The following GSDME variants were observed in gnomAD, a reference collection of about 807,000 sequenced individuals.
The protein encoded by GSDME is gasdermin-E.
GSDME carries 44 observed loss-of-function variants against 47.5 expected under a neutral mutation model. That is an observed-to-expected ratio of 0.93 (90% CI 0.73 to 1.19). The LOEUF (loss-of-function observed/expected upper bound fraction) is 1.19. Ranked by LOEUF, GSDME falls within the 50% of genes most tolerant of loss-of-function variation. GSDME has a pLI of 0.00. For synonymous variants in GSDME, 258 were observed against 252.8 expected, an observed-to-expected ratio of 1.02 and a Z score of -0.20; for missense variants, 663 against 604.2, an observed-to-expected ratio of 1.10 and a Z score of -1.02.
chr7:24,722,349 G>C (rs2237316), intron 3 of GSDME, among the ~76,000 whole-genome samples: 1 of 152,074 alleles, frequency 6.6e-6, no homozygotes, highest in African/African-American at 2.4e-5. Flanking sequence ...TAGCAGATGC[G>C]ATCTTCCTAA....
the GSDME span, among the ~76,000 whole-genome samples, chr7:24,765,708 G>C: frequency 2.6e-5 from 4 of 152,198 alleles, no homozygotes; most frequent in Admixed American, 2.6e-4. Flanking sequence ...ATTAAACTCT[G>C]TTAAAGTTCA....
rs1788923228 is a variant in GSDME at position 24,702,763 on chromosome 7, G to A, written c.1254C>T (p.His418=). 6.2e-7 allele frequency: 1 copy of A among 1,613,228 alleles called. No individual in the cohort carries two copies. The highest frequency in any genetic ancestry group is 8.5e-7 in the Non-Finnish European group (1 of 1,179,430). The change falls in exon 9 of 10, where the codon CAC becomes CAT. Residue 418 remains histidine (H), a synonymous_variant. Coordinates refer to ENST00000645220, the MANE Select transcript of GSDME (RefSeq NM_001127453.2). ...TCCCACCTGGGAGGTTGCTTACCAA[G>A]TGGCACAGTGTGGGAATGATCTGGA... ...CKLQIIPTLC[H]LLRALSDDGV...
At chr7:24,701,759 T>C (rs1788878719) in intron 9 of GSDME, among the ~76,000 whole-genome samples, 1 of 152,234 alleles carries the variant, frequency 6.6e-6, no homozygotes, top group South Asian at 2.1e-4. Context: ...GTTCCATTTT[T>C]GCAGTCAGTG....
chr7:24,784,888 A>G, the GSDME span, among the ~76,000 whole-genome samples: 1 of 152,002 alleles, frequency 6.6e-6, no homozygotes, highest in African/African-American at 2.4e-5. Flanking sequence ...CTGGCAGCTG[A>G]TTGGATGGTG....
At chr7:24,719,364 G>T in intron 3 of GSDME, 146 bp from the exon 4 acceptor site, 1 of 910,474 alleles carries the variant, frequency 1.1e-6, no homozygotes. Flanking sequence ...GGGGTGGCAG[G>T]TCACCTGGAA....
intron 4 of GSDME, among the ~76,000 whole-genome samples, chr7:24,718,294 T>TA (rs1789644332): frequency 6.6e-6 from 1 of 152,214 alleles, no homozygotes; most frequent in African/African-American, 2.4e-5. Flanking sequence ...AGTAAATCTC[T>TA]AAGAAAATAT....
the GSDME span, among the ~76,000 whole-genome samples, chr7:24,777,024 C>T: frequency 6.6e-6 from 1 of 151,868 alleles, no homozygotes; most frequent in Non-Finnish European, 1.5e-5. Context: ...GTTATATTCA[C>T]TGTATTATAT....
At position 24,721,163 on chromosome 7, in the gene GSDME, A is replaced by G. The variant is rs920137372; in HGVS notation, c.405-1945T>C. 6.6e-6 allele frequency among the ~76,000 whole-genome samples: 1 copy of G among 152,208 alleles called. No homozygotes were observed. The highest frequency in any genetic ancestry group is 1.5e-5 in the Non-Finnish European group (1 of 68,032). On this transcript the variant is annotated intron_variant, in intron 3 of 9. Transcript: ENST00000645220. This position sits in a 1 kb window ranked among gnomAD's most constrained non-coding sequence, Gnocchi z 4.1. ...GAAGTTCTAGAAATGCAGAGTAGAGATGACGGCACAACAGGGTGAATGTAT... is the reference window on the plus strand; with the variant it reads ...GAAGTTCTAGAAATGCAGAGTAGAGGTGACGGCACAACAGGGTGAATGTAT...
chr7:24,712,794 G>A lies in GSDME; in HGVS notation c.698-2406C>T, dbSNP rs146075939. Among the ~76,000 whole-genome samples the A allele has an allele frequency of 2.3e-3, 349 of 152,234 alleles. 1 individual carries two copies. The highest frequency in any genetic ancestry group is 8.2e-3 in the African/African-American group (340 of 41,538). On this transcript the variant is annotated intron_variant, in intron 5 of 9. Transcript: ENST00000645220. The surrounding 1 kb of genome is among the most constrained non-coding windows in gnomAD (Gnocchi z 4.4). ...AACACTTTGGGAGGTCGAGGCGGGCGGATCACCTGAGGTCAGGAGTTTGAG... is the reference window on the plus strand; with the variant it reads ...AACACTTTGGGAGGTCGAGGCGGGCAGATCACCTGAGGTCAGGAGTTTGAG...
intron 6 of GSDME, among the ~76,000 whole-genome samples, chr7:24,708,588 G>C (rs1035055735): frequency 5.3e-5 from 8 of 151,682 alleles, no homozygotes; most frequent in Non-Finnish European, 1.2e-4. Flanking sequence ...GACTTCTCTA[G>C]AAGTAAATTA....
chr7:24,776,460 C>T, the GSDME span, among the ~76,000 whole-genome samples: 5 of 152,248 alleles, frequency 3.3e-5, no homozygotes, highest in East Asian at 5.8e-4. Context: ...CCATCCTCCT[C>T]GATAATTATC....
rs1041123533 is a variant in GSDME at position 24,756,347 on chromosome 7, C to T, written c.-20+1049G>A. ...CTGCACTCCAGCCTTGGTGACAGAGCGAGACCCTCTCTCAACAATAACAAA... is the reference window on the plus strand; with the variant it reads ...CTGCACTCCAGCCTTGGTGACAGAGTGAGACCCTCTCTCAACAATAACAAA... On this transcript the variant is annotated intron_variant, in intron 1 of 9. Coordinates refer to ENST00000645220, the MANE Select transcript of GSDME (RefSeq NM_001127453.2). This position sits in a 1 kb window ranked among gnomAD's most constrained non-coding sequence, Gnocchi z 4.2. Among the ~76,000 whole-genome samples, 1 of 152,130 alleles carries T rather than the reference C, an allele frequency of 6.6e-6. No homozygotes were observed. Among genetic ancestry groups the T allele is most frequent in the South Asian group, 2.1e-4 (1 of 4,822 alleles).
intron 9 of GSDME, among the ~76,000 whole-genome samples, chr7:24,699,845 T>C (rs1489525673): frequency 6.6e-6 from 1 of 152,228 alleles, no homozygotes; most frequent in African/African-American, 2.4e-5. Context: ...TTTGGTCATA[T>C]ATGCAGTATG....
chr7:24,706,013 G>T, intron 8 of GSDME, 171 bp downstream of exon 8: 1 of 711,220 alleles, frequency 1.4e-6, no homozygotes, highest in Non-Finnish European at 2.3e-6. Context: ...CGAGACCGAA[G>T]GGGGGTTTCC....
rs1377617563 is a variant in GSDME at position 24,726,494 on chromosome 7, C to T, written c.405-7276G>A. 3.9e-5 allele frequency among the ~76,000 whole-genome samples: 6 copies of T among 152,174 alleles called. No individual in the cohort carries two copies. Among genetic ancestry groups the T allele is most frequent in the African/African-American group, 1.2e-4 (5 of 41,446 alleles). ...TCAGGGAAGAGGCCAAGGCAGCCAC[C>T]ACTAGCAGGGTCCTCTTACACAAAA... On this transcript the variant is annotated intron_variant, in intron 3 of 9. Transcript: ENST00000645220. The surrounding 1 kb of genome is among the most constrained non-coding windows in gnomAD (Gnocchi z 5.6).
intron 6 of GSDME, among the ~76,000 whole-genome samples, chr7:24,709,549 C>T (rs1014675027): frequency 5.9e-5 from 9 of 152,144 alleles, no homozygotes; most frequent in East Asian, 3.9e-4. Flanking sequence ...TCCAAGCCAG[C>T]GCGCACACGG....
At chr7:24,779,350 A>G in the GSDME span, among the ~76,000 whole-genome samples, 4 of 152,184 alleles carry the variant, frequency 2.6e-5, no homozygotes, top group African/African-American at 9.7e-5. This position sits in a 1 kb window ranked among gnomAD's most constrained non-coding sequence, Gnocchi z 6.0. Context: ...TTGAGAAGGA[A>G]AAGTTAATCT....
chr7:24,716,954 G>C lies in GSDME; in HGVS notation c.697+300C>G, dbSNP rs1789580988. 4 of 428,426 alleles carry C rather than the reference G, an allele frequency of 9.3e-6. No individual in the cohort carries two copies. Among genetic ancestry groups the C allele is most frequent in the African/African-American group, 4.0e-5 (2 of 49,770 alleles). The allele number at this position is 428,426 out of a possible 1,614,324, so 26.5% of individuals were successfully genotyped here. On this transcript the variant is annotated intron_variant, in intron 5 of 9. Transcript: ENST00000645220. The surrounding 1 kb of genome is among the most constrained non-coding windows in gnomAD (Gnocchi z 4.5). ...GTTGATGCCCAGTGTGTCTGATGCA[G>C]AGCCCAGGTTGATGCCCAGAGGACA... is the stretch of plus-strand genomic sequence containing the variant.
chr7:24,737,451 G>A (rs1790346403), intron 3 of GSDME, among the ~76,000 whole-genome samples: 1 of 150,286 alleles, frequency 6.7e-6, no homozygotes, highest in African/African-American at 2.4e-5. Context: ...GTGAAGAAAT[G>A]GGATCAAAGC....
Sources: allele counts gnomAD v4.1 joint callset (sites outside exome capture counted in the v4.1 genomes callset), GRCh38; gene constraint gnomAD v4.1.1; non-coding constraint Gnocchi (gnomAD v3.1); transcripts MANE v1.5; gene names NCBI Gene and HGNC (gene_info 2026-07-23, HGNC 2026-07-21).